The following MAP4K1 variants were observed in gnomAD, a reference collection of about 807,000 sequenced individuals.
The protein encoded by MAP4K1 is MAPK/ERK kinase kinase kinase 1.
MAP4K1 carries 35 observed loss-of-function variants against 122.8 expected under a neutral mutation model. The observed-to-expected ratio is 0.29, with a 90% CI of 0.22 to 0.38. MAP4K1 has a LOEUF of 0.38. Among genes scored for constraint, MAP4K1 ranks in the 10% least tolerant of loss-of-function variants. MAP4K1 has a pLI of 1.00. For missense variants in MAP4K1, 791 were observed against 1,072.6 expected (o/e 0.74, Z 3.67); for synonymous variants, 412 against 421.3 (o/e 0.98, Z 0.27).
chr19:38,611,375 C>T (rs1599717232), intron 9 of MAP4K1, 70 bp from the exon 10 acceptor site: 11 of 1,025,142 alleles, frequency 1.1e-5, no homozygotes, highest in African/African-American at 9.5e-5. Flanking sequence ...TTGAGGGGTT[C>T]CTAGTAGCAT....
intron 19 of MAP4K1, among the ~76,000 whole-genome samples, chr19:38,602,775 TAC>T (rs1050979060): frequency 1.0e-4 from 15 of 146,770 alleles, no homozygotes; most frequent in Non-Finnish European, 6.0e-5. Flanking sequence ...TATACATATA[TAC>T]ACATATACAT....
rs372096583 is a variant in MAP4K1 at position 38,597,140 on chromosome 19, G to A, written c.1838-3C>T. On this transcript the variant is annotated splice_region_variant and splice_polypyrimidine_tract_variant and intron_variant, in intron 24 of 30. Coordinates refer to ENST00000396857, the MANE Select transcript of MAP4K1 (RefSeq NM_001042600.3). The surrounding 1 kb of genome is among the most constrained non-coding windows in gnomAD (Gnocchi z 4.6). ...GCCCCCAGAGCTCGCACCCTCCGCT[G>A]TGGCATGGGCAAGGATGAGTCAAGA... is the stretch of plus-strand genomic sequence containing the variant. 4 of 1,614,038 alleles carry A rather than the reference G, an allele frequency of 2.5e-6. No individual in the cohort carries two copies. The highest frequency in any genetic ancestry group is 3.4e-6 in the Non-Finnish European group (4 of 1,179,912).
Position 38,607,869 on chromosome 19 carries a change from C to T in MAP4K1, c.1152G>A (p.Val384=). Residue 384 remains valine, a synonymous_variant, in exon 16 of 31, where the codon GTG becomes GTA. Transcript: ENST00000396857. The part of the protein sequence containing the change: ...SESSDDDYDD[V]DIPTPAEDTP... ...GCAGGCAGGGCCTCACTTACATGTC[C>T]ACGTCGTCATAGTCATCGTCAGACG... The T allele has an allele frequency of 6.2e-7, 1 of 1,611,440 alleles. No homozygotes were observed. Among genetic ancestry groups the T allele is most frequent in the Non-Finnish European group, 8.5e-7 (1 of 1,178,984 alleles).
chr19:38,613,752 G>A, intron 8 of MAP4K1, 128 bp downstream of exon 8: 2 of 717,474 alleles, frequency 2.8e-6, no homozygotes, highest in Non-Finnish European at 4.6e-6. Flanking sequence ...CAGAGAGAAT[G>A]AAAGAATCTT....
rs778470265 is a variant in MAP4K1 at position 38,609,627 on chromosome 19, G to C, written c.975C>G (p.Ser325Arg). The C allele has an allele frequency of 6.2e-7, 1 of 1,613,958 alleles. No homozygotes were observed. The highest frequency in any genetic ancestry group is 8.5e-7 in the Non-Finnish European group (1 of 1,179,960). ...AGTCTGCATCTGGGATCCCCAGAGAGCTGGAGCGGTGGGTGGATCTGATCC... is the reference window on the plus strand; with the variant it reads ...AGTCTGCATCTGGGATCCCCAGAGACCTGGAGCGGTGGGTGGATCTGATCC... ...PRRIRSTHRS[S>R]SLGIPDADCC... Residue 325 changes from serine (S) to arginine (R), a missense_variant, in exon 13 of 31, where the codon AGC becomes AGG. Ser to Arg is a moderately radical substitution (Grantham distance 110, BLOSUM62 -1). Coordinates refer to ENST00000396857, the MANE Select transcript of MAP4K1 (RefSeq NM_001042600.3).
chr19:38,617,428 G>C lies in MAP4K1; in HGVS notation c.174C>G (p.Thr58=), dbSNP rs376700901. Residue 58 remains threonine, a synonymous_variant, in exon 3 of 31, where the codon ACC becomes ACG. Coordinates refer to ENST00000396857, the MANE Select transcript of MAP4K1 (RefSeq NM_001042600.3). This position sits in a 1 kb window ranked among gnomAD's most constrained non-coding sequence, Gnocchi z 4.1. ...TCAATATGAGGATTTCCTTCTGAAG[G>C]GTGGAGACATCATCATCTGTGAGGA... The part of the protein sequence containing the change: ...VKMEPDDDVS[T]LQKEILILKT... 5 of 1,613,168 alleles carry C rather than the reference G, an allele frequency of 3.1e-6. No individual in the cohort carries two copies. The highest frequency in any genetic ancestry group is 3.4e-6 in the Non-Finnish European group (4 of 1,179,274).
chr19:38,597,006 G>C lies in MAP4K1; in HGVS notation c.1941+28C>G, dbSNP rs1399082923. On this transcript the variant is annotated intron_variant, in intron 25 of 30. Transcript: ENST00000396857. The surrounding 1 kb of genome is among the most constrained non-coding windows in gnomAD (Gnocchi z 4.6). The stretch of plus-strand genomic sequence containing the variant: ...AGGCCTTAGCCACCCACTCCTCAGA[G>C]TTCCCAGCACCCTCCCAAGCCCCTT... 6.2e-7 allele frequency: 1 copy of C among 1,606,278 alleles called. No individual in the cohort carries two copies. Among genetic ancestry groups the C allele is most frequent in the South Asian group, 1.1e-5 (1 of 90,938 alleles).
intron 19 of MAP4K1, among the ~76,000 whole-genome samples, chr19:38,602,951 T>C (rs1410531773): frequency 7.1e-6 from 1 of 140,386 alleles, no homozygotes; most frequent in Non-Finnish European, 1.5e-5. Flanking sequence ...CATACATATA[T>C]ACACACATAT....
chr19:38,609,495 G>C, intron 13 of MAP4K1, 101 bp downstream of exon 13: 1 of 1,005,248 alleles, frequency 9.9e-7, no homozygotes. Flanking sequence ...TATAGGATCA[G>C]ATGATGCTGA....
intron 9 of MAP4K1, among the ~76,000 whole-genome samples, chr19:38,612,226 C>A (rs1218902702): frequency 2.0e-5 from 3 of 151,850 alleles, no homozygotes; most frequent in African/African-American, 7.3e-5. Flanking sequence ...TCGAGACTAC[C>A]CTGGCCAACA....
intron 27 of MAP4K1, 91 bp downstream of exon 27, chr19:38,595,848 A>C (rs944645430): frequency 8.6e-6 from 13 of 1,510,558 alleles, no homozygotes; most frequent in African/African-American, 1.4e-5. Context: ...AGAGGGGCTC[A>C]GGGGGTTCTG....
At chr19:38,602,553 T>C (rs967428512) in intron 19 of MAP4K1, among the ~76,000 whole-genome samples, 2 of 145,048 alleles carry the variant, frequency 1.4e-5, no homozygotes, top group African/African-American at 2.6e-5. Context: ...TACATATATA[T>C]ACACACATAT....
At chr19:38,591,000 CAT>C (rs1273378891) in intron 30 of MAP4K1, among the ~76,000 whole-genome samples, 15 of 147,774 alleles carry the variant, frequency 1.0e-4, no homozygotes, top group African/African-American at 1.8e-4. Context: ...CACACACACA[CAT>C]ATACTTGTAT....
chr19:38,614,807 A>G, intron 4 of MAP4K1: 1 of 264,158 alleles, frequency 3.8e-6, no homozygotes. Context: ...CTGTAATCCC[A>G]AGTACTCAGG....
intron 30 of MAP4K1, among the ~76,000 whole-genome samples, chr19:38,591,522 A>G (rs2145930093): frequency 7.2e-6 from 1 of 139,712 alleles, no homozygotes; most frequent in East Asian, 2.2e-4. Context: ...GCAAGACTCC[A>G]TCTCAAAAAA....
At position 38,599,993 on chromosome 19, in the gene MAP4K1, G is replaced by A; in HGVS notation, c.1609-8C>T. The A allele has an allele frequency of 6.2e-7, 1 of 1,614,168 alleles. No homozygotes were observed. The highest frequency in any genetic ancestry group is 8.5e-7 in the Non-Finnish European group (1 of 1,180,032). On this transcript the variant is annotated splice_polypyrimidine_tract_variant and splice_region_variant and intron_variant, in intron 21 of 30. Transcript: ENST00000396857. ...AGTCCGGCTAGGAAAGAGCTGCAGG[G>A]AATGGGAGAGATGGCTCTGGTGACA...
chr19:38,614,229 T>G lies in MAP4K1; in HGVS notation c.417+16A>C. 1 of 1,528,180 alleles carries G rather than the reference T, an allele frequency of 6.5e-7. No homozygotes were observed. Among genetic ancestry groups the G allele is most frequent in the Non-Finnish European group, 9.0e-7 (1 of 1,108,270 alleles). The allele number at this position is 1,528,180 out of a possible 1,614,324, so 94.7% of individuals were successfully genotyped here. On this transcript the variant is annotated intron_variant, in intron 6 of 30. Coordinates refer to ENST00000396857, the MANE Select transcript of MAP4K1 (RefSeq NM_001042600.3). Reference sequence around the variant, plus strand: ...GGGCCCCACCCCCCAACAGCACCCCTACACCCCCAGACCACCTTGATGTCC... The same window carrying G: ...GGGCCCCACCCCCCAACAGCACCCCGACACCCCCAGACCACCTTGATGTCC...
In MAP4K1 at chr19:38,587,685, G is replaced by A. The variant is rs1974560952; in HGVS notation, c.*63C>T. The A allele has an allele frequency of 1.6e-6, 2 of 1,251,520 alleles. No homozygotes were observed. Among genetic ancestry groups the A allele is most frequent in the Admixed American group, 1.7e-5 (1 of 58,758 alleles). 77.5% of individuals were successfully genotyped at this position (1,251,520 alleles called of 1,614,324 possible). Reference sequence around the variant, plus strand: ...TTATTGGGAGATGAGGACATGCCATGACCACTAGTGTGTCTATGGGGGAGG... The same window carrying A: ...TTATTGGGAGATGAGGACATGCCATAACCACTAGTGTGTCTATGGGGGAGG... On this transcript the variant is annotated 3_prime_UTR_variant, in exon 31 of 31. Coordinates refer to ENST00000396857, the MANE Select transcript of MAP4K1 (RefSeq NM_001042600.3).
intron 30 of MAP4K1, 101 bp from the exon 31 acceptor site, chr19:38,587,918 G>T: frequency 1.1e-6 from 1 of 903,354 alleles, no homozygotes; most frequent in Non-Finnish European, 1.8e-6. Flanking sequence ...GCCCCATGCT[G>T]AACTATAGCA....
Sources: gnomAD v4.1 joint callset for allele counts (sites outside exome capture counted in the v4.1 genomes callset) on GRCh38, gnomAD v4.1.1 for gene constraint, Gnocchi (gnomAD v3.1) non-coding constraint, MANE v1.5 for transcripts, NCBI Gene and HGNC (gene_info 2026-07-23, HGNC 2026-07-21) for gene names.